The following DMD variants were observed in gnomAD, a reference collection of about 807,000 sequenced individuals.
DMD encodes dystrophin, also known as mutant dystrophin.
A neutral mutation model predicts 330.1 loss-of-function variants in DMD; 63 were observed. The ratio of observed to expected loss-of-function variants is 0.19; its 90% CI spans 0.16 to 0.24. DMD has a LOEUF of 0.24. DMD is among the 10% of genes least tolerant of loss of function. The probability of loss-of-function intolerance (pLI) is 1.00; values close to 1 mark genes in which losing one functional copy is unlikely to be tolerated. For synonymous variants in DMD, 1,223 were observed against 959.8 expected (o/e 1.27, Z -5.07); for missense variants, 3,344 against 2,684.1 (o/e 1.25, Z -5.43).
At chrX:31,371,474 A>G (rs999285052) in intron 60 of DMD, among the ~76,000 whole-genome samples, 1 of 112,001 alleles carries the variant, frequency 8.9e-6, no homozygotes, top group African/African-American at 3.2e-5. Flanking sequence ...TTATTAAAAA[A>G]CAACAAAATC....
intron 12 of DMD, among the ~76,000 whole-genome samples, chrX:32,610,469 A>C (rs2149333817): frequency 9.0e-6 from 1 of 111,442 alleles, no homozygotes; most frequent in Non-Finnish European, 1.9e-5. Flanking sequence ...CCTGCCTCAT[A>C]ATAAAATGCT....
intron 29 of DMD, among the ~76,000 whole-genome samples, chrX:32,435,174 C>G (rs2098254792): frequency 9.5e-6 from 1 of 104,884 alleles, no homozygotes; most frequent in Non-Finnish European, 1.9e-5. Context: ...TCATATTGCA[C>G]TATCTGCATT....
chrX:31,384,521 T>C (rs192784320), intron 60 of DMD, among the ~76,000 whole-genome samples: 38 of 111,783 alleles, frequency 3.4e-4, no homozygotes, highest in Middle Eastern at 4.6e-3. Context: ...ATTTCCCCCA[T>C]GCAGGTTTGT....
chrX:33,184,199 G>A (rs1479547956), intron 1 of DMD, among the ~76,000 whole-genome samples: 5 of 111,928 alleles, frequency 4.5e-5, no homozygotes, highest in Admixed American at 9.5e-5. Flanking sequence ...GGAAAGCTGG[G>A]TTTTAGTGGA....
At chrX:32,862,171 G>T (rs1403426960) in intron 2 of DMD, among the ~76,000 whole-genome samples, 1 of 112,004 alleles carries the variant, frequency 8.9e-6, no homozygotes, top group East Asian at 2.8e-4. Context: ...AGATCATCAA[G>T]AAAAAGCCAA....
intron 7 of DMD, among the ~76,000 whole-genome samples, chrX:32,717,730 C>G (rs952284403): frequency 1.8e-5 from 2 of 111,223 alleles, no homozygotes; most frequent in Non-Finnish European, 3.8e-5. Flanking sequence ...TCACTCAATG[C>G]CAGCCCATGA....
At chrX:32,499,040 C>A (rs1569564896) in intron 19 of DMD, among the ~76,000 whole-genome samples, 1 of 111,789 alleles carries the variant, frequency 8.9e-6, no homozygotes, top group Non-Finnish European at 1.9e-5. Context: ...TAGAAACGGA[C>A]AGAAATCATT....
At chrX:31,822,653 G>GGGTGGGTGTGTGTGTGTGTGT (rs58903799) in intron 49 of DMD, among the ~76,000 whole-genome samples, 1 of 65,809 alleles carries the variant, frequency 1.5e-5, no homozygotes, top group African/African-American at 6.4e-5. Flanking sequence ...AAGGCAGAGG[G>GGGTGGGTGTGTGTGTGTGTGT]GTGTGTGTGT....
chrX:32,037,380 T>C (rs1291699033), intron 44 of DMD, among the ~76,000 whole-genome samples: 1 of 112,023 alleles, frequency 8.9e-6, no homozygotes, highest in Non-Finnish European at 1.9e-5. Context: ...CTAGCGTGCT[T>C]TATTAAATCT....
chrX:32,566,228 C>T (rs1357606859), intron 15 of DMD, among the ~76,000 whole-genome samples: 1 of 111,820 alleles, frequency 8.9e-6, no homozygotes, highest in Non-Finnish European at 1.9e-5. Context: ...TTAGAAGGCA[C>T]GGATCTTGGA....
At chrX:31,536,319 T>C (rs1186485608) in intron 55 of DMD, among the ~76,000 whole-genome samples, 1 of 111,911 alleles carries the variant, frequency 8.9e-6, no homozygotes, top group African/African-American at 3.2e-5. Context: ...GTAGATTTCA[T>C]GGCAGTTGCT....
chrX:32,778,873 T>G (rs2074430141), intron 7 of DMD, among the ~76,000 whole-genome samples: 1 of 97,114 alleles, frequency 1.0e-5, no homozygotes, highest in Admixed American at 1.0e-4. Context: ...CTGTGTCATG[T>G]ATCATGTACT....
chrX:31,839,076 G>A (rs1220937789), intron 48 of DMD, among the ~76,000 whole-genome samples: 2 of 111,532 alleles, frequency 1.8e-5, no homozygotes, highest in Non-Finnish European at 3.8e-5. Flanking sequence ...TGGGTCAGAG[G>A]GAGACAGGCA....
chrX:32,701,527 A>G (rs2064129802), intron 7 of DMD, among the ~76,000 whole-genome samples: 1 of 111,711 alleles, frequency 9.0e-6, no homozygotes, highest in East Asian at 2.8e-4. Context: ...ATATTTGACC[A>G]ATTGTTTCTT....
intron 3 of DMD, among the ~76,000 whole-genome samples, chrX:32,847,124 A>T (rs1202533159): frequency 8.9e-6 from 1 of 112,365 alleles, no homozygotes; most frequent in East Asian, 2.8e-4. Context: ...GAAAATAATT[A>T]CTCAAATCAG....
At chrX:31,261,060 G>A (rs2050462105) in intron 62 of DMD, 44 bp from the exon 63 acceptor site, 2 of 1,095,364 alleles carry the variant, frequency 1.8e-6, no homozygotes, top group East Asian at 3.0e-5. Flanking sequence ...TTTACAATGA[G>A]TAGTCAAGAA....
chrX:32,959,108 G>A lies in DMD; in HGVS notation c.93+61031C>T, dbSNP rs552713872. On this transcript the variant is annotated intron_variant, in intron 2 of 78. Transcript: ENST00000357033. Reference sequence around the variant, plus strand: ...ATTATGAAGTTTGTAAGTATATTAGGAAGGTAATAACTTCACAGCAATGTG... The same window carrying A: ...ATTATGAAGTTTGTAAGTATATTAGAAAGGTAATAACTTCACAGCAATGTG... 6.4e-4 allele frequency among the ~76,000 whole-genome samples: 72 copies of A among 111,920 alleles called. 1 individual carries two copies. The South Asian group carries it at 8.2e-3, about 13-fold the overall frequency.
chrX:31,947,913 C>T (rs1177344153), intron 45 of DMD, among the ~76,000 whole-genome samples: 1 of 110,724 alleles, frequency 9.0e-6, no homozygotes, highest in Non-Finnish European at 1.9e-5. Flanking sequence ...GACATATCCT[C>T]TTAATAATAA....
At chrX:31,914,655 C>T (rs2094586528) in intron 47 of DMD, among the ~76,000 whole-genome samples, 1 of 111,921 alleles carries the variant, frequency 8.9e-6, no homozygotes, top group African/African-American at 3.2e-5. Flanking sequence ...CATGTTCTCA[C>T]TTATTTGCAG....
Sources: allele counts gnomAD v4.1 joint callset (sites outside exome capture counted in the v4.1 genomes callset), GRCh38; gene constraint gnomAD v4.1.1; transcripts MANE v1.5; gene names NCBI Gene and HGNC (gene_info 2026-07-23, HGNC 2026-07-21).